Variants in RNF150 observed in about 807,000 individuals in gnomAD.
RNF150 encodes the protein ring finger protein 150.
In RNF150, 24 loss-of-function variants were observed where a neutral mutation model predicts 39.3. The ratio of observed to expected loss-of-function variants is 0.61; its 90% CI spans 0.44 to 0.86. The LOEUF is 0.86. Among genes scored for constraint, RNF150 ranks in the 40% least tolerant of loss-of-function variants. RNF150 has a pLI of 0.00. For synonymous variants in RNF150, 255 were observed against 227.3 expected, an observed-to-expected ratio of 1.12 and a Z score of -1.10; for missense variants, 502 against 587.8, an observed-to-expected ratio of 0.85 and a Z score of 1.51.
At chr4:140,874,480 T>C (rs1379424798) in intron 6 of RNF150, among the ~76,000 whole-genome samples, 1 of 152,254 alleles carries the variant, frequency 6.6e-6, no homozygotes, top group African/African-American at 2.4e-5. Context: ...AGTTGCTTTC[T>C]GGCCACATAG....
chr4:141,041,174 C>G (rs1377157777), intron 1 of RNF150, among the ~76,000 whole-genome samples: 1 of 152,058 alleles, frequency 6.6e-6, no homozygotes, highest in Non-Finnish European at 1.5e-5. Context: ...ATACACAAAG[C>G]CTAGTTAGGG....
intron 1 of RNF150, among the ~76,000 whole-genome samples, chr4:141,145,857 A>G (rs2111132492): frequency 6.6e-6 from 1 of 152,230 alleles, no homozygotes; most frequent in Non-Finnish European, 1.5e-5. Flanking sequence ...CCCCACTTTT[A>G]TATCTTGTGC....
At chr4:140,978,923 G>C (rs1359155707) in intron 1 of RNF150, among the ~76,000 whole-genome samples, 1 of 152,026 alleles carries the variant, frequency 6.6e-6, no homozygotes, top group Non-Finnish European at 1.5e-5. Context: ...GTTTCTATTA[G>C]AGCAAATAAT....
chr4:141,175,784 C>A (rs1727799234), intron 1 of RNF150, among the ~76,000 whole-genome samples: 1 of 152,192 alleles, frequency 6.6e-6, no homozygotes, highest in East Asian at 1.9e-4. Context: ...CCAGAATGGT[C>A]AGACTCTGGT....
At chr4:141,179,536 C>T (rs983280643) in intron 1 of RNF150, among the ~76,000 whole-genome samples, 5 of 152,094 alleles carry the variant, frequency 3.3e-5, no homozygotes, top group Admixed American at 2.6e-4. Flanking sequence ...CTGCTTAAAC[C>T]CATTCATATT....
intron 1 of RNF150, among the ~76,000 whole-genome samples, chr4:140,969,286 T>C (rs1053624154): frequency 3.3e-5 from 5 of 152,166 alleles, no homozygotes; most frequent in African/African-American, 1.2e-4. Context: ...ATCAATTATA[T>C]ATTTAAAAGA....
At chr4:141,139,495 T>C (rs1272487678) in intron 1 of RNF150, among the ~76,000 whole-genome samples, 2 of 152,212 alleles carry the variant, frequency 1.3e-5, no homozygotes, top group Admixed American at 1.3e-4. Flanking sequence ...TTAGCCCAGA[T>C]AGCCTTACAA....
chr4:140,917,996 G>A (rs934506823), intron 5 of RNF150, among the ~76,000 whole-genome samples: 3 of 151,572 alleles, frequency 2.0e-5, no homozygotes, highest in Admixed American at 6.6e-5. Context: ...AAACCAACGA[G>A]AACAAAGACA....
chr4:141,176,786 T>C (rs1450630198), intron 1 of RNF150, among the ~76,000 whole-genome samples: 1 of 152,132 alleles, frequency 6.6e-6, no homozygotes, highest in Non-Finnish European at 1.5e-5. Flanking sequence ...TTAATAAAAA[T>C]TTAAAATACA....
chr4:141,105,255 A>G (rs1739158618), intron 1 of RNF150, among the ~76,000 whole-genome samples: 1 of 151,718 alleles, frequency 6.6e-6, no homozygotes. Flanking sequence ...ACCTCATATT[A>G]TCATTTTCCC....
chr4:141,092,875 CT>C (rs1198418470), intron 1 of RNF150, among the ~76,000 whole-genome samples: 1 of 151,214 alleles, frequency 6.6e-6, no homozygotes. Context: ...CCTGAAAATG[CT>C]GGAGAATATA....
intron 5 of RNF150, among the ~76,000 whole-genome samples, chr4:140,917,633 A>G (rs1158940838): frequency 6.6e-6 from 1 of 152,226 alleles, no homozygotes; most frequent in Non-Finnish European, 1.5e-5. Context: ...CAGATCAACG[A>G]GACAGAAAGT....
intron 1 of RNF150, among the ~76,000 whole-genome samples, chr4:141,207,609 G>A (rs1318629466): frequency 6.6e-6 from 1 of 150,474 alleles, no homozygotes; most frequent in African/African-American, 2.5e-5. Flanking sequence ...TCTTCTCCAC[G>A]ACATCCAATC....
intron 1 of RNF150, among the ~76,000 whole-genome samples, chr4:141,011,855 T>C (rs1465270788): frequency 6.6e-6 from 1 of 152,258 alleles, no homozygotes; most frequent in Non-Finnish European, 1.5e-5. Flanking sequence ...ATTTACGATA[T>C]ATAAAACCAA....
rs536610513 is a variant in RNF150, at chr4:141,158,071, T to A, written c.-6+54723A>T. The stretch of plus-strand genomic sequence containing the variant: ...ACTTTGGGAGGCTGAGGCAGGCGGA[T>A]CACGAGGTCAGGAGTTCAAGAGCAG... On this transcript the variant is annotated intron_variant, in intron 1 of 7. Coordinates refer to the RNF150 transcript ENST00000420921. Among the ~76,000 whole-genome samples, 105 of 152,256 alleles carry A rather than the reference T, an allele frequency of 6.9e-4. 2 individuals carry two copies. Among genetic ancestry groups the A allele is most frequent in the African/African-American group, 2.5e-3 (102 of 41,550 alleles).
At position 140,860,954 on chromosome 4, in the gene RNF150, T is replaced by C. The variant is rs1728467852; in HGVS notation, c.*7307A>G. ...TTTAAAGAACAATACCCATTTTTTTTTCCAGAAAATGGATGGAATGTAACT... is the reference window on the plus strand; with the variant it reads ...TTTAAAGAACAATACCCATTTTTTTCTCCAGAAAATGGATGGAATGTAACT... On this transcript the variant is annotated 3_prime_UTR_variant, in exon 7 of 7. Coordinates refer to ENST00000515673, the MANE Select transcript of RNF150 (RefSeq NM_020724.2). 1 of 152,118 alleles carries C rather than the reference T, an allele frequency of 6.6e-6. No individual in the cohort carries two copies. Among genetic ancestry groups the C allele is most frequent in the African/African-American group, 2.4e-5 (1 of 41,428 alleles). The allele number at this position is 152,118 out of a possible 1,614,324, so 9.4% of individuals were successfully genotyped here.
intron 1 of RNF150, among the ~76,000 whole-genome samples, chr4:141,018,030 CAGTT>C (rs1185302497): frequency 2.6e-5 from 4 of 152,254 alleles, no homozygotes; most frequent in East Asian, 1.9e-4. Context: ...ATCTGTATAA[CAGTT>C]AGGGGCTTAA....
chr4:141,110,246 G>A (rs1204334428), intron 1 of RNF150, among the ~76,000 whole-genome samples: 1 of 152,156 alleles, frequency 6.6e-6, no homozygotes, highest in Non-Finnish European at 1.5e-5. Context: ...TATGGGCCCA[G>A]AGAAGGCACC....
Position 141,128,691 on chromosome 4 carries a change from C to T in RNF150, c.484+3634G>A, listed in dbSNP as rs58050198. 8.1e-3 allele frequency among the ~76,000 whole-genome samples: 1,237 copies of T among 151,916 alleles called. 18 individuals carry two copies. Among genetic ancestry groups the T allele is most frequent in the African/African-American group, 0.028 (1,152 of 41,396 alleles). ...CAGCCTTATGTCCCTTAATAGGGGA[C>T]ATATAAATCTCTGGTCCATAGACTT... On this transcript the variant is annotated intron_variant, in intron 1 of 6. Coordinates refer to ENST00000515673, the MANE Select transcript of RNF150 (RefSeq NM_020724.2).
Sources: gnomAD v4.1 joint callset for allele counts (sites outside exome capture counted in the v4.1 genomes callset) on GRCh38, gnomAD v4.1.1 for gene constraint, MANE v1.5 for transcripts, NCBI Gene and HGNC (gene_info 2026-07-23, HGNC 2026-07-21) for gene names.